The following PSD2 variants were observed in gnomAD, a reference collection of about 807,000 sequenced individuals.
The protein encoded by PSD2 is pleckstrin and Sec7 domain containing 2.
A neutral mutation model predicts 69.8 loss-of-function variants in PSD2; 38 were observed. The ratio of observed to expected loss-of-function variants is 0.54; its 90% CI spans 0.42 to 0.71. The LOEUF (loss-of-function observed/expected upper bound fraction) is 0.71, where lower values mean the gene tolerates loss of function less well. PSD2 is among the 30% of genes least tolerant of loss of function. The probability of loss-of-function intolerance (pLI) is 0.00; values close to 1 mark genes in which losing one functional copy is unlikely to be tolerated. For missense variants in PSD2, 943 were observed against 1,014.5 expected, an observed-to-expected ratio of 0.93 and a Z score of 0.96; for synonymous variants, 412 against 423.0, an observed-to-expected ratio of 0.97 and a Z score of 0.32.
chr5:139,829,228 T>C (rs551737145), intron 7 of PSD2, among the ~76,000 whole-genome samples: 1 of 152,378 alleles, frequency 6.6e-6, no homozygotes, highest in African/African-American at 2.4e-5. Flanking sequence ...GAATGTTTCA[T>C]GTGGACTTGA....
intron 1 of PSD2, among the ~76,000 whole-genome samples, chr5:139,804,487 C>T (rs565117973): frequency 1.1e-3 from 166 of 152,308 alleles, no homozygotes; most frequent in Non-Finnish European, 2.0e-3. Context: ...GATCTTCCAT[C>T]AAGTGCACAA....
the PSD2 span, among the ~76,000 whole-genome samples, chr5:139,782,577 C>A: frequency 6.6e-6 from 1 of 150,754 alleles, no homozygotes. Context: ...ACTGCAACCT[C>A]TGCCTCCCGG....
rs1760940307 is a variant in PSD2, at chr5:139,844,046, AGT to A, written c.*1577_*1578del. On this transcript the variant is annotated 3_prime_UTR_variant, in exon 15 of 15. Transcript: ENST00000274710. Reference sequence around the variant, plus strand: ...AGATTATTTAAGTTGGATCAGCTGAAGTGTGTTTTAGACCCAAACCATCTGGC... The same window carrying A: ...AGATTATTTAAGTTGGATCAGCTGAAGTGTTTTAGACCCAAACCATCTGGC... The A allele has an allele frequency of 6.6e-6, 1 of 152,258 alleles. No homozygotes were observed. The highest frequency in any genetic ancestry group is 2.4e-5 in the African/African-American group (1 of 41,468). 9.4% of individuals were successfully genotyped at this position (152,258 alleles called of 1,614,324 possible).
At chr5:139,753,159 TAG>T in the PSD2 span, among the ~76,000 whole-genome samples, 4 of 152,136 alleles carry the variant, frequency 2.6e-5, no homozygotes, top group African/African-American at 9.7e-5. Context: ...CCTGCCTGAT[TAG>T]AGACAGCCAG....
the PSD2 span, among the ~76,000 whole-genome samples, chr5:139,754,305 G>C: frequency 6.6e-6 from 1 of 152,142 alleles, no homozygotes; most frequent in East Asian, 1.9e-4. Flanking sequence ...GGTGTTGCAT[G>C]TCTGTACTCC....
chr5:139,758,511 G>A, the PSD2 span, among the ~76,000 whole-genome samples: 1 of 152,098 alleles, frequency 6.6e-6, no homozygotes, highest in Non-Finnish European at 1.5e-5. Flanking sequence ...GGAGAGCCAG[G>A]GCAGCTTCAG....
chr5:139,788,031 A>T, the PSD2 span, among the ~76,000 whole-genome samples: 1 of 152,188 alleles, frequency 6.6e-6, no homozygotes, highest in Non-Finnish European at 1.5e-5. Context: ...GATGACCCAT[A>T]TGACCTGTAT....
the PSD2 span, among the ~76,000 whole-genome samples, chr5:139,780,042 T>A: frequency 6.6e-6 from 1 of 152,164 alleles, no homozygotes; most frequent in African/African-American, 2.4e-5. Flanking sequence ...GGGACTCGAG[T>A]GGAAATGCTG....
chr5:139,759,410 A>C, the PSD2 span, among the ~76,000 whole-genome samples: 132,353 of 151,860 alleles, frequency 0.87, 57,931 homozygotes, highest in South Asian at 0.93. Flanking sequence ...GCTGCCCCCG[A>C]TCGCGGTCAC....
At chr5:139,782,963 C>A in the PSD2 span, among the ~76,000 whole-genome samples, 368 of 152,270 alleles carry the variant, frequency 2.4e-3, no homozygotes, top group Non-Finnish European at 4.0e-3. Flanking sequence ...ACTTTTTCAT[C>A]GTCACAAACA....
chr5:139,768,672 G>A, the PSD2 span, among the ~76,000 whole-genome samples: 5 of 150,722 alleles, frequency 3.3e-5, no homozygotes, highest in African/African-American at 1.2e-4. Flanking sequence ...GCTGTGAGCC[G>A]AGATCAAGCC....
At chr5:139,747,161 TCA>T in the PSD2 span, among the ~76,000 whole-genome samples, 2 of 152,160 alleles carry the variant, frequency 1.3e-5, no homozygotes, top group African/African-American at 4.8e-5. This position sits in a 1 kb window ranked among gnomAD's most constrained non-coding sequence, Gnocchi z 6.7. Flanking sequence ...TCTCTGTCCC[TCA>T]GTCTCTGCTC....
chr5:139,821,812 G>A, intron 5 of PSD2, 81 bp from the exon 6 acceptor site: 1 of 753,062 alleles, frequency 1.3e-6, no homozygotes. Context: ...CCTAGAGTGG[G>A]TGTGTGCTGT....
Position 139,814,952 on chromosome 5 carries a change from C to G in PSD2, c.1016+588C>G, listed in dbSNP as rs1243710997. 1.3e-5 allele frequency among the ~76,000 whole-genome samples: 2 copies of G among 152,182 alleles called. No homozygotes were observed. The highest frequency in any genetic ancestry group is 4.8e-5 in the African/African-American group (2 of 41,444). On this transcript the variant is annotated intron_variant, in intron 4 of 14. Transcript: ENST00000274710. The surrounding 1 kb of genome is among the most constrained non-coding windows in gnomAD (Gnocchi z 4.4). ...CCGGCACATTCTGCTCACATCTGACCACCAGTGTGACCACCCACCACCTGC... is the reference window on the plus strand; with the variant it reads ...CCGGCACATTCTGCTCACATCTGACGACCAGTGTGACCACCCACCACCTGC...
At position 139,820,018 on chromosome 5, in the gene PSD2, G is replaced by A. The variant is rs568629143; in HGVS notation, c.1098-1875G>A. On this transcript the variant is annotated intron_variant, in intron 5 of 14. Coordinates refer to ENST00000274710, the MANE Select transcript of PSD2 (RefSeq NM_032289.4). ...ATCTAGAGGCATGTAGCCTTCTGAA[G>A]AGGGTCAGGTGGGAGAGAACAAGCA... is the stretch of plus-strand genomic sequence containing the variant. 2.0e-5 allele frequency among the ~76,000 whole-genome samples: 3 copies of A among 152,324 alleles called. No individual in the cohort carries two copies. The South Asian group carries it at 6.2e-4, about 32-fold the overall frequency.
rs145560815 is a variant in PSD2 at position 139,811,776 on chromosome 5, G to C, written c.372-1533G>C. Among the ~76,000 whole-genome samples, 890 of 152,184 alleles carry C rather than the reference G, an allele frequency of 5.8e-3. 10 individuals are homozygous for C. Among genetic ancestry groups the C allele is most frequent in the African/African-American group, 0.021 (855 of 41,498 alleles). Reference sequence around the variant, plus strand: ...CGCCCGGCTAATTTTTGTATTTTTAGTAGAGATGGGGTTTCATCGTGTTAG... The same window carrying C: ...CGCCCGGCTAATTTTTGTATTTTTACTAGAGATGGGGTTTCATCGTGTTAG... On this transcript the variant is annotated intron_variant, in intron 2 of 14. Transcript: ENST00000274710.
In PSD2 at chr5:139,813,734, C is replaced by T. The variant is rs779760535; in HGVS notation, c.797C>T (p.Thr266Met). 47 of 1,606,972 alleles carry T rather than the reference C, an allele frequency of 2.9e-5. 1 individual carries two copies. The highest frequency in any genetic ancestry group is 3.3e-4 in the Middle Eastern group (2 of 6,016). Residue 266 changes from threonine (T) to methionine (M), a missense_variant, in exon 3 of 15, where the codon ACG becomes ATG. Physicochemically the swap from Thr to Met is moderately conservative, Grantham distance 81 (BLOSUM62 -1). This residue lies in a region of PSD2 where 466 missense variants were observed against 445.0 expected (regional missense o/e 1.05). Transcript: ENST00000274710. ...GGDEDDDEED[T>M]DKLLNSASDP... ...GATGAGGATGATGATGAGGAGGACA[C>T]GGACAAGTTGCTGAACTCAGCCAGG... is the stretch of plus-strand genomic sequence containing the variant.
At chr5:139,793,596 C>A (rs1415741081), upstream of PSD2, among the ~76,000 whole-genome samples, 1 of 152,240 alleles carries the variant, frequency 6.6e-6, no homozygotes, top group Admixed American at 6.5e-5. Flanking sequence ...GCTGGAGAGA[C>A]AGCTATGTCT....
At chr5:139,746,794 A>G in the PSD2 span, among the ~76,000 whole-genome samples, 1 of 152,014 alleles carries the variant, frequency 6.6e-6, no homozygotes, top group African/African-American at 2.4e-5. The surrounding 1 kb of genome is among the most constrained non-coding windows in gnomAD (Gnocchi z 4.5). Context: ...GCTCCCGGGG[A>G]AGCCGAGGCG....
Sources: gnomAD v4.1 joint callset for allele counts (sites outside exome capture counted in the v4.1 genomes callset) on GRCh38, gnomAD v4.1.1 for gene constraint, gnomAD v4.1.1 regional missense constraint, Gnocchi (gnomAD v3.1) non-coding constraint, MANE v1.5 for transcripts, NCBI Gene and HGNC (gene_info 2026-07-23, HGNC 2026-07-21) for gene names.